Variants in PDE4D observed in about 807,000 individuals in gnomAD.
The protein encoded by PDE4D is 3',5'-cyclic-AMP phosphodiesterase 4D.
PDE4D carries 24 observed loss-of-function variants against 87.4 expected under a neutral mutation model. The ratio of observed to expected loss-of-function variants is 0.27; its 90% CI spans 0.20 to 0.39. The LOEUF is 0.39. Ranked by LOEUF, PDE4D falls within the 10% of genes least tolerant of loss-of-function variation. PDE4D has a pLI of 1.00. For missense variants in PDE4D, 714 were observed against 1,041.0 expected, an observed-to-expected ratio of 0.69 and a Z score of 4.32; for synonymous variants, 384 against 383.2, an observed-to-expected ratio of 1.00 and a Z score of -0.02.
At chr5:60,400,469 C>T (rs1381512157) in intron 1 of PDE4D, among the ~76,000 whole-genome samples, 2 of 139,738 alleles carry the variant, frequency 1.4e-5, no homozygotes, top group Non-Finnish European at 1.5e-5. Context: ...TTGCAGTGAG[C>T]CAAGATCTCA....
intron 1 of PDE4D, among the ~76,000 whole-genome samples, chr5:59,354,146 C>T (rs1780968748): frequency 6.6e-6 from 1 of 151,922 alleles, no homozygotes; most frequent in Non-Finnish European, 1.5e-5. Flanking sequence ...ACAATAGGCA[C>T]ATTTGAAGAT....
rs189115412 is a variant in PDE4D at position 60,133,416 on chromosome 5, C to T, written c.42+52141G>A. Among the ~76,000 whole-genome samples, 499 of 152,052 alleles carry T rather than the reference C, an allele frequency of 3.3e-3. 1 individual carries two copies. Among genetic ancestry groups the T allele is most frequent in the African/African-American group, 0.011 (466 of 41,462 alleles). ...TGATCTTGGCTCATTCCAAACTCTG[C>T]CTCCTGGGTTCAAGTGATTCTCCTG... On this transcript the variant is annotated intron_variant, in intron 2 of 16. Coordinates refer to the PDE4D transcript ENST00000502484.
intron 1 of PDE4D, among the ~76,000 whole-genome samples, chr5:59,676,800 T>C (rs1398180128): frequency 6.6e-6 from 1 of 151,914 alleles, no homozygotes; most frequent in Non-Finnish European, 1.5e-5. Context: ...ATCCTCTAAG[T>C]ATTTGAAAAT....
chr5:60,086,881 T>A (rs1046063813), intron 2 of PDE4D, among the ~76,000 whole-genome samples: 4 of 152,046 alleles, frequency 2.6e-5, no homozygotes, highest in African/African-American at 4.8e-5. Flanking sequence ...TCAGTGGGGG[T>A]GCCATGTTGA....
rs62643164 is a variant in PDE4D, at chr5:59,200,088, T to A, written c.648-6552A>T. On this transcript the variant is annotated intron_variant, in intron 2 of 14. Coordinates refer to ENST00000340635, the MANE Select transcript of PDE4D (RefSeq NM_001104631.2). ...ACACACACGTATGCACACATACATG[T>A]ATGTAGACATACATGTATGCACACA... Among the ~76,000 whole-genome samples the A allele has an allele frequency of 6.9e-4, 84 of 121,688 alleles. No homozygotes were observed. In the Middle Eastern group the frequency reaches 0.018, roughly 26 times the overall value. 79.8% of individuals were successfully genotyped at this position (121,688 alleles called of 152,430 possible).
At chr5:59,793,916 C>T (rs1490744159) in intron 1 of PDE4D, among the ~76,000 whole-genome samples, 1 of 152,144 alleles carries the variant, frequency 6.6e-6, no homozygotes, top group East Asian at 1.9e-4. Context: ...ATCCCTATCC[C>T]AGTGGGCCAT....
chr5:59,566,179 AAC>A (rs1213789744), intron 1 of PDE4D, among the ~76,000 whole-genome samples: 1 of 152,152 alleles, frequency 6.6e-6, no homozygotes, highest in Non-Finnish European at 1.5e-5. Context: ...CTTTAGAGGA[AAC>A]ACAGATGGGA....
At chr5:59,017,161 T>G (rs1754182694) in intron 6 of PDE4D, among the ~76,000 whole-genome samples, 1 of 152,154 alleles carries the variant, frequency 6.6e-6, no homozygotes, top group South Asian at 2.1e-4. Context: ...ATCACGTGGG[T>G]CCTGAGGGTA....
chr5:59,788,366 T>C (rs764430537), intron 1 of PDE4D, among the ~76,000 whole-genome samples: 3 of 152,200 alleles, frequency 2.0e-5, no homozygotes, highest in Non-Finnish European at 4.4e-5. Context: ...AAACCTTGGC[T>C]GTCTGAAGGA....
At chr5:60,418,884 T>C (rs1742851781) in intron 1 of PDE4D, among the ~76,000 whole-genome samples, 1 of 152,078 alleles carries the variant, frequency 6.6e-6, no homozygotes. Flanking sequence ...TTATTTGTTA[T>C]AACAAGAAAC....
chr5:60,001,997 C>A (rs1428605949), intron 2 of PDE4D, among the ~76,000 whole-genome samples: 1 of 151,208 alleles, frequency 6.6e-6, no homozygotes, highest in Non-Finnish European at 1.5e-5. Context: ...GCACAAGAAC[C>A]ACAAACCCAT....
intron 1 of PDE4D, among the ~76,000 whole-genome samples, chr5:59,438,789 T>C (rs1053338582): frequency 2.5e-4 from 37 of 149,308 alleles, no homozygotes; most frequent in African/African-American, 8.9e-4. Flanking sequence ...GCATCAATGA[T>C]CCAAGGAAAA....
chr5:60,087,637 C>T lies in PDE4D; in HGVS notation c.42+97920G>A, dbSNP rs1245037447. Among the ~76,000 whole-genome samples, 10 of 151,536 alleles carry T rather than the reference C, an allele frequency of 6.6e-5. No homozygotes were observed. The South Asian group carries it at 1.5e-3, about 22-fold the overall frequency. ...CTCCATAGAAAGCTTCAATAGCAGA[C>T]TTGATCAAAAAGAGGAAAGAATTAG... is the stretch of plus-strand genomic sequence containing the variant. On this transcript the variant is annotated intron_variant, in intron 2 of 16. Transcript: ENST00000502484.
chr5:59,161,304 A>G (rs1386376623), intron 5 of PDE4D, among the ~76,000 whole-genome samples: 1 of 152,200 alleles, frequency 6.6e-6, no homozygotes, highest in East Asian at 1.9e-4. Flanking sequence ...TAATACATCA[A>G]TCAATACATG....
chr5:59,792,730 G>A (rs1180356390), intron 1 of PDE4D, among the ~76,000 whole-genome samples: 1 of 152,136 alleles, frequency 6.6e-6, no homozygotes, highest in African/African-American at 2.4e-5. Context: ...TTAAGAAGAT[G>A]GGTTTGGCAT....
At chr5:60,481,055 T>C (rs1748692194) in intron 1 of PDE4D, among the ~76,000 whole-genome samples, 2 of 152,172 alleles carry the variant, frequency 1.3e-5, no homozygotes, top group South Asian at 4.1e-4. Flanking sequence ...GCTTCTATTT[T>C]TTAGGTCAGG....
At chr5:59,457,248 T>G (rs1454791628) in intron 1 of PDE4D, among the ~76,000 whole-genome samples, 1 of 152,206 alleles carries the variant, frequency 6.6e-6, no homozygotes, top group South Asian at 2.1e-4. Context: ...GCCACCCTGA[T>G]CAATCAGTAG....
chr5:60,105,978 T>C (rs993891633), intron 2 of PDE4D, among the ~76,000 whole-genome samples: 30 of 152,192 alleles, frequency 2.0e-4, no homozygotes, highest in African/African-American at 7.0e-4. Context: ...GCTGACATCA[T>C]AATGACAGGA....
chr5:59,913,293 A>C (rs1753650500), intron 3 of PDE4D, among the ~76,000 whole-genome samples: 1 of 152,202 alleles, frequency 6.6e-6, no homozygotes, highest in Non-Finnish European at 1.5e-5. Flanking sequence ...GACTCTTTCA[A>C]GTCCTTTAGT....
Sources: gnomAD v4.1 joint callset for allele counts (sites outside exome capture counted in the v4.1 genomes callset) on GRCh38, gnomAD v4.1.1 for gene constraint, MANE v1.5 for transcripts, NCBI Gene and HGNC (gene_info 2026-07-23, HGNC 2026-07-21) for gene names.